GNA12: variants seen among roughly 807,000 people sequenced by gnomAD.
The protein encoded by GNA12 is guanine nucleotide-binding protein subunit alpha-12.
In GNA12, 9 loss-of-function variants were observed where a neutral mutation model predicts 26.0. That is an observed-to-expected ratio of 0.35 (90% CI 0.21 to 0.60). The LOEUF (loss-of-function observed/expected upper bound fraction) is 0.60, where lower values mean the gene tolerates loss of function less well. GNA12 is among the 20% of genes least tolerant of loss of function. The probability of loss-of-function intolerance (pLI) is 0.78; values close to 1 mark genes in which losing one functional copy is unlikely to be tolerated. For missense variants in GNA12, 405 were observed against 525.8 expected, an observed-to-expected ratio of 0.77 and a Z score of 2.25; for synonymous variants, 264 against 219.6, an observed-to-expected ratio of 1.20 and a Z score of -1.79.
At chr7:2,776,576 G>A (rs944338295) in intron 2 of GNA12, among the ~76,000 whole-genome samples, 3 of 152,226 alleles carry the variant, frequency 2.0e-5, no homozygotes, top group Non-Finnish European at 4.4e-5. Flanking sequence ...GTGGATCAGG[G>A]AAAGAGGGGC....
chr7:2,767,338 CTA>C (rs961203513), intron 2 of GNA12, among the ~76,000 whole-genome samples: 11 of 152,102 alleles, frequency 7.2e-5, no homozygotes, highest in African/African-American at 2.7e-4. Flanking sequence ...AGCTTTCCCT[CTA>C]TGTTTTCTTC....
chr7:2,839,072 C>A (rs1261611768), intron 1 of GNA12, among the ~76,000 whole-genome samples: 1 of 152,166 alleles, frequency 6.6e-6, no homozygotes, highest in Non-Finnish European at 1.5e-5. Context: ...CATGTACTTA[C>A]GGGATGTTCA....
intron 2 of GNA12, among the ~76,000 whole-genome samples, chr7:2,749,526 G>T (rs1174521703): frequency 6.7e-6 from 1 of 149,042 alleles, no homozygotes; most frequent in Non-Finnish European, 1.5e-5. Context: ...TAGGGGGAGG[G>T]GGGAGGGATA....
chr7:2,791,861 T>A (rs1018853663), intron 2 of GNA12, among the ~76,000 whole-genome samples: 2 of 151,994 alleles, frequency 1.3e-5, no homozygotes, highest in East Asian at 1.9e-4. Flanking sequence ...TGCTCCATCA[T>A]TTTTTTTGAA....
chr7:2,829,861 A>T (rs761694242), intron 1 of GNA12, among the ~76,000 whole-genome samples: 2 of 152,126 alleles, frequency 1.3e-5, no homozygotes, highest in Non-Finnish European at 2.9e-5. Context: ...GTCTTCTTGG[A>T]CCAGAGCTAG....
At chr7:2,735,562 C>T (rs530014896) in intron 2 of GNA12, among the ~76,000 whole-genome samples, 253 of 152,332 alleles carry the variant, frequency 1.7e-3, no homozygotes, top group Non-Finnish European at 3.1e-3. Flanking sequence ...ACGTTTCCCT[C>T]GGTGTGAGTC....
intron 1 of GNA12, among the ~76,000 whole-genome samples, chr7:2,795,435 G>A (rs147452110): frequency 5.5e-4 from 83 of 152,150 alleles, no homozygotes; most frequent in African/African-American, 1.6e-3. Context: ...GTCTGAGACC[G>A]GCCTGGGCAA....
intron 2 of GNA12, among the ~76,000 whole-genome samples, chr7:2,772,328 G>C (rs966296725): frequency 9.9e-5 from 15 of 152,208 alleles, no homozygotes; most frequent in African/African-American, 3.6e-4. Context: ...TGGGGAGGCA[G>C]AGGCAGGCGG....
intron 2 of GNA12, among the ~76,000 whole-genome samples, chr7:2,748,143 G>C (rs978555008): frequency 4.0e-5 from 6 of 150,714 alleles, no homozygotes; most frequent in African/African-American, 9.8e-5. Flanking sequence ...TTTCTTCACA[G>C]AATTGGAAAA....
intron 2 of GNA12, chr7:2,764,966 G>C (rs970679025): frequency 3.6e-4 from 55 of 152,222 alleles, no homozygotes; most frequent in African/African-American, 1.2e-3. Context: ...TTGTACGGTG[G>C]AAAAGTAATA....
intron 1 of GNA12, among the ~76,000 whole-genome samples, chr7:2,796,408 C>T (rs1026666555): frequency 3.3e-5 from 5 of 152,150 alleles, no homozygotes; most frequent in South Asian, 2.1e-4. Flanking sequence ...TTTCCGTTGG[C>T]GGCTGGCTGT....
chr7:2,763,101 A>G (rs994865940), intron 2 of GNA12: 27 of 1,248,332 alleles, frequency 2.2e-5, no homozygotes, highest in Middle Eastern at 3.0e-4. Flanking sequence ...GACCACAAGC[A>G]GCCTCTGAAG....
chr7:2,817,408 C>T (rs185113970), intron 1 of GNA12, among the ~76,000 whole-genome samples: 427 of 152,292 alleles, frequency 2.8e-3, no homozygotes, highest in Admixed American at 6.0e-3. Flanking sequence ...CCACCACACC[C>T]GGCCCATACT....
Position 2,737,269 on chromosome 7 carries a change from G to GTTTTTTTT in GNA12, c.526-3769_526-3768insAAAAAAAA, listed in dbSNP as rs1317020597. 4.1e-3 allele frequency among the ~76,000 whole-genome samples: 155 copies of GTTTTTTTT among 38,120 alleles called. 16 individuals carry two copies. Among genetic ancestry groups the GTTTTTTTT allele is most frequent in the South Asian group, 7.0e-3 (9 of 1,284 alleles). 25.0% of individuals were successfully genotyped at this position (38,120 alleles called of 152,430 possible). A position where few individuals can be genotyped will look rare whatever the true frequency, so the allele number is the denominator to read the frequency against. ...CATTCAGGAGCTATCTCACAGTTTT[G>GTTTTTTTT]TTTTGTTTTTTTTTTTTTTGTTTTT... is the stretch of plus-strand genomic sequence containing the variant. On this transcript the variant is annotated intron_variant, in intron 2 of 3. Transcript: ENST00000275364.
At chr7:2,746,989 T>C (rs940465481) in intron 2 of GNA12, among the ~76,000 whole-genome samples, 3 of 149,068 alleles carry the variant, frequency 2.0e-5, no homozygotes, top group Non-Finnish European at 4.5e-5. Flanking sequence ...AATCTCTGAA[T>C]AGACCAATAA....
At chr7:2,818,638 C>T (rs1793270107) in intron 1 of GNA12, among the ~76,000 whole-genome samples, 1 of 152,026 alleles carries the variant, frequency 6.6e-6, no homozygotes, top group South Asian at 2.1e-4. Context: ...TGGCGTAGCC[C>T]TGTAGTCCCA....
chr7:2,814,367 C>G, intron 1 of GNA12: 1 of 1,601,384 alleles, frequency 6.2e-7, no homozygotes, highest in South Asian at 1.1e-5. Context: ...CTTTCGGTTT[C>G]CATCTGGTGT....
At chr7:2,778,499 A>G (rs1338716369) in intron 2 of GNA12, among the ~76,000 whole-genome samples, 1 of 152,226 alleles carries the variant, frequency 6.6e-6, no homozygotes, top group Non-Finnish European at 1.5e-5. Context: ...ACTTACATAG[A>G]GCTGGAGGCT....
rs71026549 is a variant in GNA12 at position 2,757,129 on chromosome 7, CT to C, written c.526-23629del. Reference sequence around the variant, plus strand: ...GCAGGCCCGATCTAATCAGGTGGGCCTTTTTTTTTTTTTTTTTTTTTTTTGA... The same window carrying C: ...GCAGGCCCGATCTAATCAGGTGGGCCTTTTTTTTTTTTTTTTTTTTTTTGA... On this transcript the variant is annotated intron_variant, in intron 2 of 3. Coordinates refer to ENST00000275364, the MANE Select transcript of GNA12 (RefSeq NM_007353.3). Among the ~76,000 whole-genome samples, 314 of 93,990 alleles carry C rather than the reference CT, an allele frequency of 3.3e-3. 1 individual carries two copies. The highest frequency in any genetic ancestry group is 0.012 in the African/African-American group (279 of 23,000). 61.7% of individuals were successfully genotyped at this position (93,990 alleles called of 152,430 possible).
Sources: gnomAD v4.1 joint callset for allele counts (sites outside exome capture counted in the v4.1 genomes callset) on GRCh38, gnomAD v4.1.1 for gene constraint, MANE v1.5 for transcripts, NCBI Gene and HGNC (gene_info 2026-07-23, HGNC 2026-07-21) for gene names.